MBD5: variants seen among roughly 807,000 people sequenced by gnomAD.
The protein encoded by MBD5 is methyl-CpG-binding domain protein 5.
Under a neutral mutation model 117.3 loss-of-function variants are expected in MBD5, and 13 were observed. The observed-to-expected ratio is 0.11, with a 90% CI of 0.07 to 0.18. The LOEUF is 0.18. MBD5 is among the 10% of genes least tolerant of loss of function. The pLI, the probability that MBD5 is intolerant of heterozygous loss-of-function variation, is 1.00. For synonymous variants in MBD5, 727 were observed against 766.4 expected (o/e 0.95, Z 0.85); for missense variants, 1,879 against 2,093.8 (o/e 0.90, Z 2.00).
chr2:148,182,754 G>A (rs938199528), intron 2 of MBD5, among the ~76,000 whole-genome samples: 1 of 152,130 alleles, frequency 6.6e-6, no homozygotes, highest in African/African-American at 2.4e-5. Flanking sequence ...ATGGCAGCTG[G>A]TATTCTTCTC....
At chr2:148,331,317 C>T (rs553833346) in intron 3 of MBD5, among the ~76,000 whole-genome samples, 1 of 152,064 alleles carries the variant, frequency 6.6e-6, no homozygotes, top group African/African-American at 2.4e-5. Flanking sequence ...ACAGCAGTCC[C>T]CTGCTCTAAG....
rs920595300 is a variant in MBD5, at chr2:148,314,034, G to A, written c.-679-28180G>A. The stretch of plus-strand genomic sequence containing the variant: ...TCAGTTGGAAATGCAGAAATCACCC[G>A]CCTTCTGCATTGTTCTCGCTGGGAG... On this transcript the variant is annotated intron_variant, in intron 3 of 13. Transcript: ENST00000642680. Among the ~76,000 whole-genome samples, 8 of 151,900 alleles carry A rather than the reference G, an allele frequency of 5.3e-5. 1 individual carries two copies. In the East Asian group the frequency reaches 5.9e-4, roughly 11 times the overall value.
At chr2:148,294,196 G>GTTTTTTTTTTTTTTTTTTTTTT (rs60942822) in intron 3 of MBD5, among the ~76,000 whole-genome samples, 3 of 127,146 alleles carry the variant, frequency 2.4e-5, no homozygotes, top group African/African-American at 8.9e-5. Context: ...CCAGAATGAA[G>GTTTTTTTTTTTTTTTTTTTTTT]TTTTTTTTTT....
At chr2:148,021,060 G>C (rs1693682991), upstream of MBD5, 1 of 152,800 alleles carries the variant, frequency 6.5e-6, no homozygotes, top group Non-Finnish European at 1.5e-5. Context: ...AGTGCCTCCC[G>C]TCTCTTCTAC....
At chr2:148,502,851 A>G in intron 12 of MBD5, 1 of 378,056 alleles carries the variant, frequency 2.6e-6, no homozygotes. Flanking sequence ...GAATCAATCC[A>G]TTTGCAATTC....
rs76122372 is a variant in MBD5 at position 148,242,946 on chromosome 2, G to A, written c.-680+9551G>A. Among the ~76,000 whole-genome samples the A allele has an allele frequency of 1.5e-3, 222 of 152,298 alleles. 5 individuals are homozygous for A. The East Asian group carries it at 0.04, about 27-fold the overall frequency. On this transcript the variant is annotated intron_variant, in intron 3 of 13. Coordinates refer to ENST00000642680, the MANE Select transcript of MBD5 (RefSeq NM_001378120.1). ...TCAAAAACGTTTTGCTATAGTGGAA[G>A]TAATGTTATGCTGAAGACAACAGGG...
intron 3 of MBD5, among the ~76,000 whole-genome samples, chr2:148,294,501 G>GTTTGTTTTTTTTTTT (rs1553496237): frequency 8.8e-6 from 1 of 113,216 alleles, no homozygotes; most frequent in African/African-American, 3.7e-5. Context: ...TGGGATTACA[G>GTTTGTTTTTTTTTTT]TTTTTTTTTT....
At chr2:148,115,124 G>A (rs1696601958) in intron 1 of MBD5, among the ~76,000 whole-genome samples, 1 of 151,758 alleles carries the variant, frequency 6.6e-6, no homozygotes, top group African/African-American at 2.4e-5. Flanking sequence ...TCAATATACT[G>A]GTAACATCTT....
chr2:148,475,908 A>G (rs893712191), intron 8 of MBD5, among the ~76,000 whole-genome samples: 1 of 152,180 alleles, frequency 6.6e-6, no homozygotes, highest in African/African-American at 2.4e-5. Context: ...AGGAACTTCT[A>G]TCAAACAACA....
rs557874130 is a variant in MBD5 at position 148,276,099 on chromosome 2, G to A, written c.-680+42704G>A. Among the ~76,000 whole-genome samples the A allele has an allele frequency of 1.1e-4, 16 of 152,132 alleles. No individual in the cohort carries two copies. The South Asian group carries it at 3.3e-3, about 32-fold the overall frequency. ...GTCCGAGACAGGAGGATCACCTGATGCCAGGAGTTTGAGACTAGCCTAGAC... is the reference window on the plus strand; with the variant it reads ...GTCCGAGACAGGAGGATCACCTGATACCAGGAGTTTGAGACTAGCCTAGAC... On this transcript the variant is annotated intron_variant, in intron 3 of 13. Transcript: ENST00000642680.
At chr2:148,300,383 T>C (rs1219634761) in intron 3 of MBD5, among the ~76,000 whole-genome samples, 8 of 152,184 alleles carry the variant, frequency 5.3e-5, no homozygotes. Flanking sequence ...AGCTCTTCAT[T>C]TGATTCTAAA....
intron 4 of MBD5, among the ~76,000 whole-genome samples, chr2:148,386,711 T>C: frequency 1.2e-5 from 1 of 86,110 alleles, no homozygotes; most frequent in Non-Finnish European, 2.1e-5. Flanking sequence ...AGAGCGAGAC[T>C]CCGTCTCAAA....
At chr2:148,039,127 T>C (rs998688215) in intron 1 of MBD5, among the ~76,000 whole-genome samples, 2 of 152,096 alleles carry the variant, frequency 1.3e-5, no homozygotes, top group Non-Finnish European at 2.9e-5. Flanking sequence ...ATCTCAAAAA[T>C]AGAGATAATC....
intron 1 of MBD5, among the ~76,000 whole-genome samples, chr2:148,113,200 G>T (rs1696543628): frequency 6.6e-6 from 1 of 152,048 alleles, no homozygotes; most frequent in Non-Finnish European, 1.5e-5. Flanking sequence ...TGCAGTTGGG[G>T]TTATAAATAG....
At chr2:148,059,025 A>G (rs1341058352) in intron 1 of MBD5, among the ~76,000 whole-genome samples, 1 of 152,160 alleles carries the variant, frequency 6.6e-6, no homozygotes, top group African/African-American at 2.4e-5. Context: ...AGTTTTTTTT[A>G]CAATAACTAC....
chr2:148,229,753 C>T (rs1699935719), intron 2 of MBD5, among the ~76,000 whole-genome samples: 1 of 152,166 alleles, frequency 6.6e-6, no homozygotes, highest in South Asian at 2.1e-4. Flanking sequence ...TTCTTACAGA[C>T]TCATAAAGGT....
intron 4 of MBD5, among the ~76,000 whole-genome samples, chr2:148,344,430 G>A (rs1559032413): frequency 6.6e-6 from 1 of 151,840 alleles, no homozygotes; most frequent in Non-Finnish European, 1.5e-5. Flanking sequence ...TAAAAATATC[G>A]ATTCTTCCAA....
intron 2 of MBD5, among the ~76,000 whole-genome samples, chr2:148,228,461 CCA>C (rs1343589997): frequency 6.6e-6 from 1 of 152,128 alleles, no homozygotes; most frequent in Admixed American, 6.6e-5. Context: ...GGGATGAAGC[CCA>C]CTTGATCATG....
intron 3 of MBD5, among the ~76,000 whole-genome samples, chr2:148,293,055 C>T (rs1701536582): frequency 6.6e-6 from 1 of 150,426 alleles, no homozygotes; most frequent in South Asian, 2.1e-4. Flanking sequence ...GCTTATGCCT[C>T]TAATCCCAAC....
Sources: allele counts gnomAD v4.1 joint callset (sites outside exome capture counted in the v4.1 genomes callset), GRCh38; gene constraint gnomAD v4.1.1; transcripts MANE v1.5; gene names NCBI Gene and HGNC (gene_info 2026-07-23, HGNC 2026-07-21).